Variants in RBM33 observed in about 807,000 individuals in gnomAD.
RBM33 encodes RNA binding motif protein 33, also known as RNA-binding protein 33.
Under a neutral mutation model 132.6 loss-of-function variants are expected in RBM33, and 28 were observed. The ratio of observed to expected loss-of-function variants is 0.21; its 90% CI spans 0.16 to 0.29. The LOEUF is 0.29. Ranked by LOEUF, RBM33 falls within the 10% of genes least tolerant of loss-of-function variation. The probability of loss-of-function intolerance (pLI) is 1.00; values close to 1 mark genes in which losing one functional copy is unlikely to be tolerated. For missense variants in RBM33, 1,291 were observed against 1,518.5 expected (o/e 0.85, Z 2.49); for synonymous variants, 634 against 593.0 (o/e 1.07, Z -1.01).
chr7:155,669,248 TATG>T (rs1798879450), intron 2 of RBM33, among the ~76,000 whole-genome samples: 1 of 152,190 alleles, frequency 6.6e-6, no homozygotes, highest in South Asian at 2.1e-4. Flanking sequence ...TTTGGAAGAA[TATG>T]ATGTCATTGC....
chr7:155,671,550 A>G (rs1031406207), intron 2 of RBM33, among the ~76,000 whole-genome samples: 1 of 152,240 alleles, frequency 6.6e-6, no homozygotes, highest in Admixed American at 6.5e-5. Flanking sequence ...AACTCCATAT[A>G]TGCATTCCCG....
In RBM33 at chr7:155,680,925, TTGTA is replaced by T; in HGVS notation, c.567+20_567+23del. 6.3e-7 allele frequency: 1 copy of T among 1,598,066 alleles called. No individual in the cohort carries two copies. On this transcript the variant is annotated intron_variant, in intron 5 of 17. Coordinates refer to ENST00000401878, the MANE Select transcript of RBM33 (RefSeq NM_053043.3). ...GAATTTACAGTGAGTCTTTTCTCCT[TTGTA>T]TGGCCAAAGATAACCTGGCTTCCCA... is the stretch of plus-strand genomic sequence containing the variant.
chr7:155,685,109 T>TA, intron 5 of RBM33: 1 of 1,511,874 alleles, frequency 6.6e-7, no homozygotes, highest in East Asian at 2.5e-5. Context: ...CCCCCAGACT[T>TA]AAAATGAGCA....
Position 155,644,730 on chromosome 7 carries a change from G to A in RBM33, c.-147G>A. 1.7e-6 allele frequency: 1 copy of A among 590,238 alleles called. No individual in the cohort carries two copies. Among genetic ancestry groups the A allele is most frequent in the Non-Finnish European group, 2.8e-6 (1 of 362,042 alleles). The allele number at this position is 590,238 out of a possible 1,614,324, so 36.6% of individuals were successfully genotyped here. A position where few individuals can be genotyped will look rare whatever the true frequency, so the allele number is the denominator to read the frequency against. On this transcript the variant is annotated 5_prime_UTR_variant, in exon 1 of 18. Coordinates refer to ENST00000401878, the MANE Select transcript of RBM33 (RefSeq NM_053043.3). Reference sequence around the variant, plus strand: ...CCTGCGGAGGCGAAGGGCCAGCTGTGGACCGCGAAGCGCCCGGCTTCGCCT... The same window carrying A: ...CCTGCGGAGGCGAAGGGCCAGCTGTAGACCGCGAAGCGCCCGGCTTCGCCT...
At chr7:155,692,778 A>C (rs1284468388) in intron 5 of RBM33, among the ~76,000 whole-genome samples, 1 of 152,254 alleles carries the variant, frequency 6.6e-6, no homozygotes, top group African/African-American at 2.4e-5. Context: ...TAAAAGCTTT[A>C]AAGCTCCTGT....
chr7:155,682,561 G>T (rs1031802903), intron 5 of RBM33, among the ~76,000 whole-genome samples: 8 of 152,108 alleles, frequency 5.3e-5, no homozygotes, highest in Admixed American at 5.2e-4. Context: ...AAGATGATTG[G>T]CTAATCGTCC....
chr7:155,745,496 A>G lies in RBM33; in HGVS notation c.2873A>G (p.Asp958Gly). The change falls in exon 14 of 18, where the codon GAC becomes GGC. Residue 958 changes from aspartate to glycine, a missense_variant. Physicochemically the swap from Asp to Gly is moderately conservative, Grantham distance 94. Coordinates refer to ENST00000401878, the MANE Select transcript of RBM33 (RefSeq NM_053043.3). This position sits in a 1 kb window ranked among gnomAD's most constrained non-coding sequence, Gnocchi z 4.1. ...GCGTCCATCCAGGGCCGGCCCCAGGACACAAAGCCTGGCGTGAAAAGGACT... is the reference window on the plus strand; with the variant it reads ...GCGTCCATCCAGGGCCGGCCCCAGGGCACAAAGCCTGGCGTGAAAAGGACT... ...RVASIQGRPQDTKPGVKRTVT... is the reference protein window; with the variant it reads ...RVASIQGRPQGTKPGVKRTVT... 1 of 1,613,582 alleles carries G rather than the reference A, an allele frequency of 6.2e-7. No homozygotes were observed. Among genetic ancestry groups the G allele is most frequent in the East Asian group, 2.2e-5 (1 of 44,866 alleles).
At chr7:155,676,314 G>A (rs1293613903) in intron 3 of RBM33, among the ~76,000 whole-genome samples, 2 of 152,170 alleles carry the variant, frequency 1.3e-5, no homozygotes, top group East Asian at 3.9e-4. Context: ...TTTAGGAAGT[G>A]GGTAAGAGTG....
chr7:155,690,393 A>G (rs1483288089), intron 5 of RBM33, among the ~76,000 whole-genome samples: 1 of 152,142 alleles, frequency 6.6e-6, no homozygotes, highest in Non-Finnish European at 1.5e-5. Flanking sequence ...TCCTGAATAT[A>G]GCACAGTGAG....
At chr7:155,647,991 T>C (rs1160416555) in intron 1 of RBM33, among the ~76,000 whole-genome samples, 1 of 152,230 alleles carries the variant, frequency 6.6e-6, no homozygotes, top group Non-Finnish European at 1.5e-5. Context: ...GTGAGTGCGT[T>C]ATCTCACTTA....
intron 9 of RBM33, among the ~76,000 whole-genome samples, chr7:155,737,316 G>T (rs114917676): frequency 6.7e-6 from 1 of 150,192 alleles, no homozygotes. Flanking sequence ...CTAAGGATGC[G>T]TGTCAGAATG....
intron 2 of RBM33, 40 bp downstream of exon 2, chr7:155,665,293 T>C (rs751857752): frequency 3.9e-6 from 6 of 1,558,052 alleles, no homozygotes; most frequent in Admixed American, 3.3e-5. Context: ...CCTGTGCCGA[T>C]CTCTCTCATT....
chr7:155,697,588 G>A (rs948876414), intron 5 of RBM33, among the ~76,000 whole-genome samples: 1 of 152,096 alleles, frequency 6.6e-6, no homozygotes, highest in Admixed American at 6.5e-5. Flanking sequence ...AGATTTGTGT[G>A]TGTGTGTGTG....
rs1801493833 is a variant in RBM33, at chr7:155,745,648, C to T, written c.2979+46C>T. On this transcript the variant is annotated intron_variant, in intron 14 of 17. Transcript: ENST00000401878. The surrounding 1 kb of genome is among the most constrained non-coding windows in gnomAD (Gnocchi z 4.1). ...AGAGCCTCTTTGAGTCTGTGTATCACATAGAATGTCCTCATTTGCAGAGAA... is the reference window on the plus strand; with the variant it reads ...AGAGCCTCTTTGAGTCTGTGTATCATATAGAATGTCCTCATTTGCAGAGAA... The T allele has an allele frequency of 2.1e-6, 3 of 1,453,486 alleles. No homozygotes were observed. The highest frequency in any genetic ancestry group is 1.4e-5 in the South Asian group (1 of 70,892). The allele number at this position is 1,453,486 out of a possible 1,614,324, so 90.0% of individuals were successfully genotyped here. A position where few individuals can be genotyped will look rare whatever the true frequency, so the allele number is the denominator to read the frequency against.
At chr7:155,728,102 G>A (rs914169378) in intron 9 of RBM33, among the ~76,000 whole-genome samples, 6 of 152,086 alleles carry the variant, frequency 3.9e-5, no homozygotes, top group Non-Finnish European at 5.9e-5. Flanking sequence ...TATATTTCAC[G>A]GATCAGTCAT....
At chr7:155,720,280 C>T (rs1477470704) in intron 9 of RBM33, among the ~76,000 whole-genome samples, 2 of 152,146 alleles carry the variant, frequency 1.3e-5, no homozygotes, top group Non-Finnish European at 2.9e-5. Flanking sequence ...CCTTTAAGTC[C>T]CAAGTGCTGA....
chr7:155,709,019 G>A (rs774501038), intron 7 of RBM33, among the ~76,000 whole-genome samples: 5 of 151,758 alleles, frequency 3.3e-5, no homozygotes, highest in Admixed American at 6.6e-5. Flanking sequence ...CTGTTGGACC[G>A]CACTCTGGGG....
At chr7:155,667,670 G>A (rs1444743082) in intron 2 of RBM33, among the ~76,000 whole-genome samples, 1 of 152,152 alleles carries the variant, frequency 6.6e-6, no homozygotes, top group African/African-American at 2.4e-5. Context: ...AGTAGATGAT[G>A]TGTGGCCTCC....
intron 5 of RBM33, 44 bp downstream of exon 5, chr7:155,680,952 C>A: frequency 6.6e-7 from 1 of 1,505,762 alleles, no homozygotes; most frequent in South Asian, 1.2e-5. Flanking sequence ...ACCTGGCTTC[C>A]CATGCATAGG....
Sources: gnomAD v4.1 joint callset for allele counts (sites outside exome capture counted in the v4.1 genomes callset) on GRCh38, gnomAD v4.1.1 for gene constraint, Gnocchi (gnomAD v3.1) non-coding constraint, MANE v1.5 for transcripts, NCBI Gene and HGNC (gene_info 2026-07-23, HGNC 2026-07-21) for gene names.